Variants in LRRK1 observed in about 807,000 individuals in gnomAD.
LRRK1 encodes leucine-rich repeat serine/threonine-protein kinase 1.
LRRK1 carries 113 observed loss-of-function variants against 209.1 expected under a neutral mutation model. That is an observed-to-expected ratio of 0.54 (90% CI 0.46 to 0.63). The LOEUF (loss-of-function observed/expected upper bound fraction) is 0.63. Ranked by LOEUF, LRRK1 falls within the 30% of genes least tolerant of loss-of-function variation. The pLI is 0.00. For missense variants in LRRK1, 2,284 were observed against 2,632.2 expected (o/e 0.87, Z 2.89); for synonymous variants, 1,144 against 1,099.7 (o/e 1.04, Z -0.80).
At position 101,029,110 on chromosome 15, in the gene LRRK1, G is replaced by A; in HGVS notation, c.2841G>A (p.Gly947=). The A allele has an allele frequency of 6.2e-7, 1 of 1,614,196 alleles. No individual in the cohort carries two copies. Among genetic ancestry groups the A allele is most frequent in the Non-Finnish European group, 8.5e-7 (1 of 1,180,038 alleles). ...IKGSRSVAKN[G]VIRAEDLRML... ...GCTCTCGGTCAGTGGCCAAGAATGG[G>A]GTGATCAGAGCAGAAGACCTCAGGA... is the stretch of plus-strand genomic sequence containing the variant. The change falls in exon 20 of 34, where the codon GGG becomes GGA. Residue 947 remains glycine, a synonymous_variant. Transcript: ENST00000388948.
intron 3 of LRRK1, among the ~76,000 whole-genome samples, chr15:100,978,777 A>C (rs1053430367): frequency 2.0e-5 from 3 of 152,184 alleles, no homozygotes; most frequent in Admixed American, 6.5e-5. Context: ...CCAAAAAATA[A>C]ATTTACAGGT....
chr15:101,026,554 G>A (rs183832977), intron 17 of LRRK1, among the ~76,000 whole-genome samples: 21 of 152,334 alleles, frequency 1.4e-4, no homozygotes, highest in African/African-American at 5.1e-4. Flanking sequence ...GAGTCACAGA[G>A]GGCCAAGAGT....
chr15:101,049,278 T>C (rs1348512973), intron 22 of LRRK1: 2 of 198,760 alleles, frequency 1.0e-5, no homozygotes, highest in Non-Finnish European at 2.0e-5. Context: ...GAGGGCTTGA[T>C]TGGCACCTGC....
chr15:101,059,666 G>C (rs778366444), intron 29 of LRRK1, among the ~76,000 whole-genome samples: 2 of 152,022 alleles, frequency 1.3e-5, no homozygotes, highest in Non-Finnish European at 2.9e-5. Flanking sequence ...GTTCTGAATC[G>C]ATTGGATAGA....
At position 101,018,266 on chromosome 15, in the gene LRRK1, C is replaced by G. The variant is rs184411111; in HGVS notation, c.1610-2787C>G. Among the ~76,000 whole-genome samples, 118 of 151,414 alleles carry G rather than the reference C, an allele frequency of 7.8e-4. 2 individuals are homozygous for G. In the Middle Eastern group the frequency reaches 0.01, roughly 13 times the overall value. On this transcript the variant is annotated intron_variant, in intron 12 of 33. Coordinates refer to ENST00000388948, the MANE Select transcript of LRRK1 (RefSeq NM_024652.6). The stretch of plus-strand genomic sequence containing the variant: ...TTTCAGAAAAGGAAGTCCAGAGGGC[C>G]AGGAAACAAATGAAAAGGTCCTTAA...
rs767701235 is a variant in LRRK1, at chr15:100,924,616, G to A, written c.-17G>A. 2.0e-5 allele frequency: 33 copies of A among 1,613,154 alleles called. No homozygotes were observed. The highest frequency in any genetic ancestry group is 3.3e-5 in the South Asian group (3 of 91,040). Reference sequence around the variant, plus strand: ...ACAGCGGGACCTGCCTTTGAAGATCGGCTGCTGCAAGGGTTGATGGCTGGC... The same window carrying A: ...ACAGCGGGACCTGCCTTTGAAGATCAGCTGCTGCAAGGGTTGATGGCTGGC... On this transcript the variant is annotated 5_prime_UTR_variant, in exon 2 of 34. Transcript: ENST00000388948.
chr15:100,929,645 C>T (rs2042174537), intron 2 of LRRK1, among the ~76,000 whole-genome samples: 1 of 152,198 alleles, frequency 6.6e-6, no homozygotes, highest in African/African-American at 2.4e-5. Flanking sequence ...AGGGACAGAT[C>T]CCCAGTGATG....
chr15:100,956,939 T>A (rs2042778681), intron 2 of LRRK1, among the ~76,000 whole-genome samples: 1 of 152,242 alleles, frequency 6.6e-6, no homozygotes, highest in Non-Finnish European at 1.5e-5. Context: ...GGCTGTCAAC[T>A]TTCATCTTAG....
chr15:101,004,831 A>G (rs1486018007), intron 6 of LRRK1, among the ~76,000 whole-genome samples: 1 of 152,246 alleles, frequency 6.6e-6, no homozygotes, highest in Non-Finnish European at 1.5e-5. Context: ...AGCCACACCT[A>G]AGCCCTTCCC....
chr15:100,997,099 A>G (rs1765077671), intron 6 of LRRK1, among the ~76,000 whole-genome samples: 1 of 152,070 alleles, frequency 6.6e-6, no homozygotes, highest in Non-Finnish European at 1.5e-5. Context: ...TAGATCTTAT[A>G]TCTATAGAGA....
At chr15:101,058,289 G>A in intron 29 of LRRK1, 148 bp downstream of exon 29, 1 of 739,224 alleles carries the variant, frequency 1.4e-6, no homozygotes, top group Non-Finnish European at 2.1e-6. Context: ...TCAAGAAAGA[G>A]CAGGGAGAGC....
At chr15:100,929,009 G>A (rs1380290708) in intron 2 of LRRK1, among the ~76,000 whole-genome samples, 1 of 152,242 alleles carries the variant, frequency 6.6e-6, no homozygotes, top group Non-Finnish European at 1.5e-5. Flanking sequence ...TTTGCCAGCT[G>A]ACAGAGCAGC....
At chr15:101,037,185 G>C (rs897344057) in intron 20 of LRRK1, among the ~76,000 whole-genome samples, 2 of 152,206 alleles carry the variant, frequency 1.3e-5, no homozygotes, top group Admixed American at 6.5e-5. Flanking sequence ...AATGGCAGTG[G>C]AAGTGGCAGG....
intron 19 of LRRK1, among the ~76,000 whole-genome samples, chr15:101,028,053 C>T (rs570666849): frequency 1.6e-4 from 24 of 152,322 alleles, no homozygotes; most frequent in African/African-American, 4.6e-4. Context: ...GCCTGCCCTC[C>T]GGGGCTGATA....
At chr15:101,019,685 A>G (rs1238574722) in intron 12 of LRRK1, among the ~76,000 whole-genome samples, 1 of 152,232 alleles carries the variant, frequency 6.6e-6, no homozygotes, top group Admixed American at 6.5e-5. Flanking sequence ...GCCCAACAAA[A>G]GAACTCCGGC....
intron 6 of LRRK1, among the ~76,000 whole-genome samples, chr15:100,997,499 A>G (rs573652608): frequency 9.3e-4 from 142 of 152,358 alleles, no homozygotes; most frequent in Admixed American, 4.1e-3. Flanking sequence ...ATAAGAAAAC[A>G]CTGGCAGTAA....
At chr15:100,963,351 C>G (rs977573261) in intron 2 of LRRK1, among the ~76,000 whole-genome samples, 1 of 152,220 alleles carries the variant, frequency 6.6e-6, no homozygotes, top group Non-Finnish European at 1.5e-5. Context: ...TCTGTGGGCC[C>G]CAGCGTCAGG....
At chr15:100,965,122 C>T (rs2030371298) in intron 2 of LRRK1, among the ~76,000 whole-genome samples, 1 of 123,096 alleles carries the variant, frequency 8.1e-6, no homozygotes, top group African/African-American at 3.0e-5. Flanking sequence ...ATTACTCTGT[C>T]ATATTCATGG....
In LRRK1 at chr15:100,973,798, G is replaced by T; in HGVS notation, c.98-6G>T. 7.8e-7 allele frequency: 1 copy of T among 1,282,226 alleles called. No individual in the cohort carries two copies. 79.4% of individuals were successfully genotyped at this position (1,282,226 alleles called of 1,614,324 possible). A position where few individuals can be genotyped will look rare whatever the true frequency, so the allele number is the denominator to read the frequency against. ...ACGCCGTGTGTGTGTGCTTCCTCCC[G>T]CGCAGGTGCCGGGGACACGGGCGGC... On this transcript the variant is annotated splice_region_variant and splice_polypyrimidine_tract_variant and intron_variant, in intron 2 of 33. Transcript: ENST00000388948.
Sources: allele counts gnomAD v4.1 joint callset (sites outside exome capture counted in the v4.1 genomes callset), GRCh38; gene constraint gnomAD v4.1.1; transcripts MANE v1.5; gene names NCBI Gene and HGNC (gene_info 2026-07-23, HGNC 2026-07-21).